The following GSTCD variants were observed in gnomAD, a reference collection of about 807,000 sequenced individuals.
GSTCD encodes the protein glutathione S-transferase C-terminal domain-containing protein.
In GSTCD, 44 loss-of-function variants were observed where a neutral mutation model predicts 68.3. The observed-to-expected ratio is 0.64, with a 90% CI of 0.51 to 0.83. GSTCD has a LOEUF of 0.83. Ranked by LOEUF, GSTCD falls within the 40% of genes least tolerant of loss-of-function variation. GSTCD has a pLI of 0.00. For synonymous variants in GSTCD, 273 were observed against 255.2 expected (o/e 1.07, Z -0.67); for missense variants, 739 against 735.9 (o/e 1.00, Z -0.05).
At chr4:105,732,282 G>C (rs1733274752) in intron 5 of GSTCD, among the ~76,000 whole-genome samples, 1 of 152,180 alleles carries the variant, frequency 6.6e-6, no homozygotes, top group South Asian at 2.1e-4. Context: ...GCTCCTCCTT[G>C]TACCTCTGGT....
chr4:105,795,485 A>T (rs1735849728), intron 5 of GSTCD, among the ~76,000 whole-genome samples: 1 of 152,076 alleles, frequency 6.6e-6, no homozygotes. Context: ...GTGTATGATC[A>T]ATTTCATAAG....
At chr4:105,841,880 G>A (rs1011178963) in intron 10 of GSTCD, among the ~76,000 whole-genome samples, 185 bp from the exon 11 acceptor site, 6 of 151,910 alleles carry the variant, frequency 3.9e-5, no homozygotes, top group Non-Finnish European at 8.8e-5. Context: ...GTACTTGAAG[G>A]GAAGAAATTA....
chr4:105,741,353 G>A (rs1175200364), intron 5 of GSTCD, among the ~76,000 whole-genome samples: 1 of 152,036 alleles, frequency 6.6e-6, no homozygotes, highest in Non-Finnish European at 1.5e-5. Flanking sequence ...ATTTGTTAGT[G>A]TTTTAATTTT....
At chr4:105,711,925 A>G (rs1466730813) in intron 1 of GSTCD, among the ~76,000 whole-genome samples, 1 of 152,236 alleles carries the variant, frequency 6.6e-6, no homozygotes, top group Non-Finnish European at 1.5e-5. Context: ...GTTAGATTCC[A>G]TTTATACTTT....
intron 5 of GSTCD, among the ~76,000 whole-genome samples, chr4:105,782,702 G>GTCCCC (rs1435007501): frequency 6.6e-6 from 1 of 151,778 alleles, no homozygotes; most frequent in African/African-American, 2.4e-5. Context: ...CATGCCTCAG[G>GTCCCC]TCCCCTAGTA....
At chr4:105,808,392 GCT>G (rs1040998552) in intron 5 of GSTCD, among the ~76,000 whole-genome samples, 1 of 151,998 alleles carries the variant, frequency 6.6e-6, no homozygotes, top group African/African-American at 2.4e-5. Context: ...AATTCTGTCA[GCT>G]CTGTTTTTAA....
intron 5 of GSTCD, among the ~76,000 whole-genome samples, chr4:105,758,280 C>T (rs556379551): frequency 6.1e-4 from 93 of 152,216 alleles, no homozygotes; most frequent in African/African-American, 1.8e-3. Context: ...GGTTATTCCC[C>T]GTGATACAGC....
At chr4:105,723,712 A>T (rs6827293) in intron 3 of GSTCD, among the ~76,000 whole-genome samples, 4,260 of 151,778 alleles carry the variant, frequency 0.028, 178 homozygotes, top group African/African-American at 0.089. Context: ...TCTTTAAATA[A>T]TATGTAAAAA....
chr4:105,815,990 C>T (rs976616228), intron 5 of GSTCD, among the ~76,000 whole-genome samples: 3 of 151,596 alleles, frequency 2.0e-5, no homozygotes, highest in Non-Finnish European at 2.9e-5. Context: ...TTCTGGTATT[C>T]GGAAATTAAA....
At chr4:105,823,398 C>A in intron 7 of GSTCD, 123 bp downstream of exon 7, 1 of 672,910 alleles carries the variant, frequency 1.5e-6, no homozygotes, top group Non-Finnish European at 2.6e-6. Context: ...GTGGCACAGG[C>A]ATTGTCTTTT....
chr4:105,725,707 C>A (rs776334322), intron 3 of GSTCD, among the ~76,000 whole-genome samples: 2 of 151,868 alleles, frequency 1.3e-5, no homozygotes, highest in Non-Finnish European at 2.9e-5. Context: ...AATTTTTATG[C>A]TATGAAATGA....
rs1723389302 is a variant in GSTCD, at chr4:105,823,042, C to G, written c.1329C>G (p.Asp443Glu). 3 of 1,613,764 alleles carry G rather than the reference C, an allele frequency of 1.9e-6. No homozygotes were observed. The East Asian group carries it at 6.7e-5, about 36-fold the overall frequency. ...YVVTNQAKPG[D>E]RIVDFCSGGG... ...TAACAAATCAGGCCAAACCTGGTGA[C>G]AGAATTGTGGATTTCTGCAGCGGTG... is the stretch of plus-strand genomic sequence containing the variant. The change falls in exon 6 of 12, where the codon GAC becomes GAG. Residue 443 changes from aspartate (D) to glutamate (E), a missense_variant. Transcript: ENST00000515279.
At chr4:105,732,940 G>T (rs532726071) in intron 5 of GSTCD, among the ~76,000 whole-genome samples, 2 of 152,086 alleles carry the variant, frequency 1.3e-5, no homozygotes, top group African/African-American at 4.8e-5. Context: ...CCTTCATTTC[G>T]TTATGTACCC....
At chr4:105,777,296 A>G (rs112852675) in intron 5 of GSTCD, among the ~76,000 whole-genome samples, 4 of 151,576 alleles carry the variant, frequency 2.6e-5, no homozygotes, top group South Asian at 2.1e-4. Context: ...ATGTGTGTGT[A>G]TATATATATA....
intron 5 of GSTCD, among the ~76,000 whole-genome samples, chr4:105,812,902 A>G (rs1198050211): frequency 6.6e-6 from 1 of 152,166 alleles, no homozygotes; most frequent in African/African-American, 2.4e-5. Context: ...GAAAAAAGTT[A>G]TATTTATTTA....
intron 5 of GSTCD, among the ~76,000 whole-genome samples, chr4:105,808,682 G>A (rs557311861): frequency 7.2e-5 from 11 of 152,182 alleles, no homozygotes; most frequent in African/African-American, 2.6e-4. Context: ...TTGCAGTTTC[G>A]CTTTCTGTGG....
chr4:105,757,412 A>G (rs1734236820), intron 5 of GSTCD, among the ~76,000 whole-genome samples: 1 of 152,240 alleles, frequency 6.6e-6, no homozygotes, highest in South Asian at 2.1e-4. Context: ...CTGGCCAATT[A>G]TATCAAGTAA....
rs1253963057 is a variant in GSTCD, at chr4:105,719,444, C to T, written c.811C>T (p.Pro271Ser). The change falls in exon 3 of 12, where the codon CCA becomes TCA. Residue 271 changes from proline to serine, a missense_variant. Transcript: ENST00000515279. ...HIRKAKASDL[P>S]PLEHVFAEGL... ...CAGAAAAGCAAAAGCCTCCGACCTT[C>T]CACCTCTGGAGCATGTGTTTGCAGA... is the stretch of plus-strand genomic sequence containing the variant. 1 of 1,614,058 alleles carries T rather than the reference C, an allele frequency of 6.2e-7. No homozygotes were observed. The highest frequency in any genetic ancestry group is 1.1e-5 in the South Asian group (1 of 91,082).
At chr4:105,804,683 C>T (rs1640432575) in intron 5 of GSTCD, among the ~76,000 whole-genome samples, 2 of 152,100 alleles carry the variant, frequency 1.3e-5, no homozygotes, top group South Asian at 4.2e-4. Flanking sequence ...GTGCAGTATA[C>T]GCAGGTTTGC....
Sources: allele counts gnomAD v4.1 joint callset (sites outside exome capture counted in the v4.1 genomes callset), GRCh38; gene constraint gnomAD v4.1.1; transcripts MANE v1.5; gene names NCBI Gene and HGNC (gene_info 2026-07-23, HGNC 2026-07-21).